TTC7A: variants seen among roughly 807,000 people sequenced by gnomAD.
TTC7A encodes the protein tetratricopeptide repeat domain 7A.
TTC7A carries 110 observed loss-of-function variants against 103.7 expected under a neutral mutation model. The ratio of observed to expected loss-of-function variants is 1.06; its 90% CI spans 0.91 to 1.24. The LOEUF (loss-of-function observed/expected upper bound fraction) is 1.24, where lower values mean the gene tolerates loss of function less well. TTC7A is among the 50% of genes most tolerant of loss of function. The pLI is 0.00. For synonymous variants in TTC7A, 521 were observed against 467.9 expected (o/e 1.11, Z -1.47); for missense variants, 1,340 against 1,116.3 (o/e 1.20, Z -2.86).
chr2:47,045,324 G>A (rs983632577), intron 15 of TTC7A, among the ~76,000 whole-genome samples: 2 of 152,212 alleles, frequency 1.3e-5, no homozygotes, highest in Non-Finnish European at 2.9e-5. Context: ...TCACAGCAGG[G>A]CCTCCAGGGC....
Position 47,074,836 on chromosome 2 carries a change from C to A in TTC7A, c.*913C>A, listed in dbSNP as rs1048562181. The A allele has an allele frequency of 6.6e-6, 1 of 151,152 alleles. No individual in the cohort carries two copies. 9.4% of individuals were successfully genotyped at this position (151,152 alleles called of 1,614,324 possible). A position where few individuals can be genotyped will look rare whatever the true frequency, so the allele number is the denominator to read the frequency against. The stretch of plus-strand genomic sequence containing the variant: ...GGAGGGGACAGAGCCCAGCCCCTCT[C>A]CTGTGGCTGAGCAGGCCTCTGTGTC... On this transcript the variant is annotated 3_prime_UTR_variant, in exon 20 of 20. Coordinates refer to ENST00000319190, the MANE Select transcript of TTC7A (RefSeq NM_020458.4).
chr2:46,994,237 C>T, intron 6 of TTC7A, 120 bp from the exon 7 acceptor site: 1 of 1,264,342 alleles, frequency 7.9e-7, no homozygotes, highest in Non-Finnish European at 1.1e-6. Context: ...GGGAGTTTAC[C>T]CAAAGGGCCG....
At chr2:46,973,725 C>T (rs917376109) in intron 3 of TTC7A, among the ~76,000 whole-genome samples, 2 of 152,140 alleles carry the variant, frequency 1.3e-5, no homozygotes, top group African/African-American at 4.8e-5. Context: ...CAAATCGTGC[C>T]AGTAGCGGCC....
chr2:47,074,833 T>C lies in TTC7A; in HGVS notation c.*910T>C, dbSNP rs1194559805. On this transcript the variant is annotated 3_prime_UTR_variant, in exon 20 of 20. Coordinates refer to ENST00000319190, the MANE Select transcript of TTC7A (RefSeq NM_020458.4). The stretch of plus-strand genomic sequence containing the variant: ...TGAGGAGGGGACAGAGCCCAGCCCC[T>C]CTCCTGTGGCTGAGCAGGCCTCTGT... 1 of 151,952 alleles carries C rather than the reference T, an allele frequency of 6.6e-6. No individual in the cohort carries two copies. The highest frequency in any genetic ancestry group is 2.4e-5 in the African/African-American group (1 of 41,296). 9.4% of individuals were successfully genotyped at this position (151,952 alleles called of 1,614,324 possible).
Position 46,941,964 on chromosome 2 carries a change from T to G in TTC7A, c.184+239T>G, listed in dbSNP as rs758763453. The G allele has an allele frequency of 3.4e-6, 2 of 591,010 alleles. No homozygotes were observed. Among genetic ancestry groups the G allele is most frequent in the Non-Finnish European group, 6.0e-6 (2 of 332,122 alleles). 36.6% of individuals were successfully genotyped at this position (591,010 alleles called of 1,614,324 possible). On this transcript the variant is annotated intron_variant, in intron 1 of 19. Transcript: ENST00000319190. This position sits in a 1 kb window ranked among gnomAD's most constrained non-coding sequence, Gnocchi z 4.2. ...TTGCTCTGTGTCCTTTAGGATAATGTGGCTAACTCTGTCTACCGTGAAATG... is the reference window on the plus strand; with the variant it reads ...TTGCTCTGTGTCCTTTAGGATAATGGGGCTAACTCTGTCTACCGTGAAATG...
At position 47,073,771 on chromosome 2, in the gene TTC7A, C is replaced by T; in HGVS notation, c.2425C>T (p.Gln809Ter). 2 of 1,613,832 alleles carry T rather than the reference C, an allele frequency of 1.2e-6. No homozygotes were observed. The highest frequency in any genetic ancestry group is 2.2e-5 in the South Asian group (2 of 91,084). ...QKVLRDAVER[Q>*]STCHEAWQGL... ...GGTGCTTCGTGATGCCGTGGAGAGGCAGAGTACGTGCCACGAGGCGTGGCA... is the reference window on the plus strand; with the variant it reads ...GGTGCTTCGTGATGCCGTGGAGAGGTAGAGTACGTGCCACGAGGCGTGGCA... The change falls in exon 20 of 20, where the codon CAG becomes TAG. Residue 809 changes from glutamine (Q) to a stop codon, truncating the protein, a stop_gained. Transcript: ENST00000319190. LOFTEE classifies it high-confidence loss of function.
rs767540441 is a variant in TTC7A, at chr2:46,993,493, A to C, written c.808A>C (p.Thr270Pro). Residue 270 changes from threonine to proline, a missense_variant, in exon 6 of 20, where the codon ACT becomes CCT. By Grantham distance (38) the Thr-to-Pro change is conservative. Transcript: ENST00000319190. ...GAGAGAGCTCCGGGAGGTGCTGCGG[A>C]CTGTGGAGACCAAAGCAACTCAGAA... ...GMRELREVLRTVETKATQNFK... is the reference protein window; with the variant it reads ...GMRELREVLRPVETKATQNFK... The C allele has an allele frequency of 2.5e-6, 4 of 1,614,018 alleles. No individual in the cohort carries two copies. The highest frequency in any genetic ancestry group is 3.4e-6 in the Non-Finnish European group (4 of 1,180,026).
intron 15 of TTC7A, among the ~76,000 whole-genome samples, chr2:47,038,687 A>G (rs1445759530): frequency 4.9e-4 from 53 of 109,172 alleles, no homozygotes; most frequent in African/African-American, 1.7e-3. Flanking sequence ...CAGAATGGCC[A>G]GGAGCCAGAG....
At chr2:47,021,717 G>C (rs1171939306) in intron 11 of TTC7A, 145 bp from the exon 12 acceptor site, 4 of 707,852 alleles carry the variant, frequency 5.7e-6, no homozygotes, top group Non-Finnish European at 9.9e-6. Flanking sequence ...GGGATCTCTG[G>C]GGCAAGGGAA....
intron 15 of TTC7A, among the ~76,000 whole-genome samples, chr2:47,034,865 C>T (rs1244372157): frequency 6.6e-6 from 1 of 152,182 alleles, no homozygotes; most frequent in Non-Finnish European, 1.5e-5. Context: ...GAGACCCTCC[C>T]CAGTACAGGA....
intron 3 of TTC7A, among the ~76,000 whole-genome samples, chr2:46,967,154 C>T (rs911351279): frequency 6.6e-5 from 10 of 151,642 alleles, no homozygotes; most frequent in Admixed American, 5.3e-4. Flanking sequence ...TGGAGGTTGC[C>T]GTGAGCTGAG....
chr2:47,048,789 G>A (rs1682580341), intron 16 of TTC7A, among the ~76,000 whole-genome samples: 1 of 152,112 alleles, frequency 6.6e-6, no homozygotes, highest in Non-Finnish European at 1.5e-5. Context: ...TTTTTGTAGA[G>A]ATGGGGTCAT....
chr2:46,994,432 C>G lies in TTC7A; in HGVS notation c.919C>G (p.Pro307Ala). ...EECYWSPLSH[P>A]LPEFMGKEES... Reference sequence around the variant, plus strand: ...GTGCTACTGGAGCCCCCTGTCCCACCCTCTGCCTGAGTTCATGGGCAAGGA... The same window carrying G: ...GTGCTACTGGAGCCCCCTGTCCCACGCTCTGCCTGAGTTCATGGGCAAGGA... Residue 307 changes from proline (P) to alanine (A), a missense_variant, in exon 7 of 20, where the codon CCT (proline) becomes GCT (alanine). Pro to Ala is a conservative substitution (Grantham distance 27). Coordinates refer to ENST00000319190, the MANE Select transcript of TTC7A (RefSeq NM_020458.4). 6.2e-7 allele frequency: 1 copy of G among 1,614,102 alleles called. No homozygotes were observed. The highest frequency in any genetic ancestry group is 8.5e-7 in the Non-Finnish European group (1 of 1,179,996).
Position 46,954,866 on chromosome 2 carries a change from C to T in TTC7A, c.349-1973C>T, listed in dbSNP as rs565266877. ...GATTACAGGCGTGAGCCACCGTACCCGGCCGAGCATTTTTTTAAATAGTGT... is the reference window on the plus strand; with the variant it reads ...GATTACAGGCGTGAGCCACCGTACCTGGCCGAGCATTTTTTTAAATAGTGT... On this transcript the variant is annotated intron_variant, in intron 2 of 19. Coordinates refer to ENST00000319190, the MANE Select transcript of TTC7A (RefSeq NM_020458.4). 3.9e-5 allele frequency among the ~76,000 whole-genome samples: 6 copies of T among 152,254 alleles called. No homozygotes were observed. The South Asian group carries it at 6.2e-4, about 16-fold the overall frequency.
intron 7 of TTC7A, 99 bp from the exon 8 acceptor site, chr2:46,995,037 G>C: frequency 9.1e-7 from 1 of 1,102,832 alleles, no homozygotes; most frequent in Non-Finnish European, 1.4e-6. Flanking sequence ...ACCTTACCGA[G>C]CTGGTGCTGA....
intron 14 of TTC7A, among the ~76,000 whole-genome samples, chr2:47,027,083 G>A (rs764894075): frequency 3.7e-4 from 57 of 152,192 alleles, no homozygotes; most frequent in African/African-American, 5.8e-4. Context: ...CCAGCCTGCC[G>A]TAAGTTTCTC....
intron 5 of TTC7A, among the ~76,000 whole-genome samples, chr2:46,984,633 A>G (rs1259965754): frequency 2.0e-5 from 3 of 152,186 alleles, no homozygotes; most frequent in African/African-American, 7.2e-5. Flanking sequence ...AACATCAAGG[A>G]CAGCCAGGAG....
intron 2 of TTC7A, among the ~76,000 whole-genome samples, chr2:46,921,721 G>A (rs934013789): frequency 6.6e-6 from 1 of 152,164 alleles, no homozygotes; most frequent in Non-Finnish European, 1.5e-5. Flanking sequence ...GTTGGGGGAG[G>A]GACAATGGTT....
chr2:47,024,328 A>C lies in TTC7A; in HGVS notation c.1610A>C (p.Tyr537Ser). Residue 537 changes from tyrosine (Y) to serine (S), a missense_variant, in exon 14 of 20, where the codon TAT becomes TCT. Physicochemically the swap from Tyr to Ser is moderately radical, Grantham distance 144 (BLOSUM62 -2). Transcript: ENST00000319190. ...LAPSDPQVIL[Y>S]VSLQLALVRQ... ...CCCAGTGACCCCCAGGTCATCCTCTATGTCTCGCTGCAGCTGGCCCTCGTC... is the reference window on the plus strand; with the variant it reads ...CCCAGTGACCCCCAGGTCATCCTCTCTGTCTCGCTGCAGCTGGCCCTCGTC... 1.2e-6 allele frequency: 2 copies of C among 1,608,332 alleles called. No individual in the cohort carries two copies. The highest frequency in any genetic ancestry group is 1.7e-6 in the Non-Finnish European group (2 of 1,177,392).
Sources: allele counts gnomAD v4.1 joint callset (sites outside exome capture counted in the v4.1 genomes callset), GRCh38; gene constraint gnomAD v4.1.1; non-coding constraint Gnocchi (gnomAD v3.1); transcripts MANE v1.5; gene names NCBI Gene and HGNC (gene_info 2026-07-23, HGNC 2026-07-21).